The following AAK1 variants were observed in gnomAD, a reference collection of about 807,000 sequenced individuals.
AAK1 encodes AP2 associated kinase 1.
A neutral mutation model predicts 116.0 loss-of-function variants in AAK1; 37 were observed. The ratio of observed to expected loss-of-function variants is 0.32; its 90% CI spans 0.25 to 0.42. AAK1 has a LOEUF of 0.42. Among genes scored for constraint, AAK1 ranks in the 10% least tolerant of loss-of-function variants. The pLI, the probability that AAK1 is intolerant of heterozygous loss-of-function variation, is 1.00. For missense variants in AAK1, 919 were observed against 1,170.6 expected (o/e 0.79, Z 3.14); for synonymous variants, 458 against 439.9 (o/e 1.04, Z -0.51).
intron 17 of AAK1, among the ~76,000 whole-genome samples, chr2:69,486,791 A>G (rs1242449528): frequency 3.3e-5 from 5 of 152,204 alleles, no homozygotes; most frequent in African/African-American, 1.2e-4. Context: ...AAAGTCACAG[A>G]TTAGACATGG....
intron 2 of AAK1, among the ~76,000 whole-genome samples, chr2:69,566,905 G>A (rs1197209777): frequency 6.6e-6 from 1 of 152,100 alleles, no homozygotes; most frequent in Non-Finnish European, 1.5e-5. Context: ...TTGCCGTACT[G>A]CTGCCACAGA....
rs751856239 is a variant in AAK1 at position 69,482,573 on chromosome 2, G to A, written c.2467+138C>T. On this transcript the variant is annotated intron_variant, in intron 18 of 21. Coordinates refer to ENST00000409085, the MANE Select transcript of AAK1 (RefSeq NM_014911.5). ...GCAAGGAAAACACTTCATTTGGAGT[G>A]ATACAAGTGAGATTAAATAGCCTTG... The A allele has an allele frequency of 6.6e-6, 5 of 761,166 alleles. No individual in the cohort carries two copies. The African/African-American group carries it at 8.6e-5, about 13-fold the overall frequency. 47.2% of individuals were successfully genotyped at this position (761,166 alleles called of 1,614,324 possible). A position where few individuals can be genotyped will look rare whatever the true frequency, so the allele number is the denominator to read the frequency against.
intron 2 of AAK1, among the ~76,000 whole-genome samples, chr2:69,629,870 T>A (rs1675085151): frequency 6.6e-6 from 1 of 151,908 alleles, no homozygotes; most frequent in Non-Finnish European, 1.5e-5. Flanking sequence ...AACTTTGAGG[T>A]TATGGGCCCA....
chr2:69,639,171 C>A (rs1675587194), intron 2 of AAK1, among the ~76,000 whole-genome samples: 1 of 152,140 alleles, frequency 6.6e-6, no homozygotes, highest in African/African-American at 2.4e-5. Context: ...GCCATCTAGT[C>A]CACCTTATAG....
chr2:69,566,992 C>T (rs1013735860), intron 2 of AAK1, among the ~76,000 whole-genome samples: 1 of 152,166 alleles, frequency 6.6e-6, no homozygotes, highest in Admixed American at 6.5e-5. Flanking sequence ...TTCGCAATGG[C>T]TTCTCACCCC....
At chr2:69,544,205 C>A in intron 4 of AAK1, 1 of 458,478 alleles carries the variant, frequency 2.2e-6, no homozygotes, top group Non-Finnish European at 3.9e-6. Flanking sequence ...CATTTATATA[C>A]AAACACCAAA....
intron 2 of AAK1, among the ~76,000 whole-genome samples, chr2:69,623,631 T>C (rs941667156): frequency 6.6e-6 from 1 of 152,116 alleles, no homozygotes; most frequent in African/African-American, 2.4e-5. Context: ...ATGGGCAATA[T>C]AGCAAAACCC....
intron 3 of AAK1, among the ~76,000 whole-genome samples, chr2:69,547,087 T>C (rs1207879868): frequency 6.6e-6 from 1 of 152,156 alleles, no homozygotes; most frequent in East Asian, 1.9e-4. Context: ...CTGGGACAAG[T>C]GGGAATTATT....
chr2:69,628,932 C>G (rs1675036650), intron 2 of AAK1, among the ~76,000 whole-genome samples: 1 of 152,328 alleles, frequency 6.6e-6, no homozygotes, highest in South Asian at 2.1e-4. Flanking sequence ...GAGGTACATA[C>G]AGTACTCAAC....
intron 17 of AAK1, among the ~76,000 whole-genome samples, chr2:69,486,442 C>T (rs199504378): frequency 3.3e-5 from 5 of 152,102 alleles, no homozygotes; most frequent in South Asian, 4.1e-4. Context: ...TGTATGGTCA[C>T]GGCTGCTTGG....
chr2:69,523,812 G>A (rs1414512519), intron 10 of AAK1, among the ~76,000 whole-genome samples: 1 of 152,240 alleles, frequency 6.6e-6, no homozygotes, highest in Non-Finnish European at 1.5e-5. Flanking sequence ...ATTCCTAGGA[G>A]ATGAGGGACT....
At position 69,474,045 on chromosome 2, in the gene AAK1, G is replaced by A. The variant is rs182425139; in HGVS notation, c.*1824C>T. ...TAGCTCATCTTGTTTCAGCCAGCAC[G>A]GGAAGTATTTAAAGACAGAAGGAAG... On this transcript the variant is annotated 3_prime_UTR_variant, in exon 22 of 22. Transcript: ENST00000409085. 8.1e-6 allele frequency: 8 copies of A among 985,798 alleles called. No homozygotes were observed. The highest frequency in any genetic ancestry group is 9.6e-6 in the Non-Finnish European group (8 of 829,930). The allele number at this position is 985,798 out of a possible 1,614,324, so 61.1% of individuals were successfully genotyped here.
At chr2:69,615,240 G>A (rs1189973201) in intron 2 of AAK1, among the ~76,000 whole-genome samples, 1 of 152,130 alleles carries the variant, frequency 6.6e-6, no homozygotes, top group African/African-American at 2.4e-5. Flanking sequence ...CCACTTCTCG[G>A]GACTTCGCAG....
At chr2:69,580,230 G>T (rs552249841) in intron 2 of AAK1, among the ~76,000 whole-genome samples, 36 of 152,176 alleles carry the variant, frequency 2.4e-4, no homozygotes, top group African/African-American at 7.9e-4. Context: ...CTTTGGTGGG[G>T]GTCTGTGCAA....
At chr2:69,592,316 C>A (rs1363779067) in intron 2 of AAK1, among the ~76,000 whole-genome samples, 2 of 152,138 alleles carry the variant, frequency 1.3e-5, no homozygotes, top group Admixed American at 1.3e-4. Flanking sequence ...GGGCAACTGG[C>A]AATATCTGGA....
Position 69,532,210 on chromosome 2 carries a change from G to A in AAK1, c.535-48C>T, listed in dbSNP as rs1266003118. The A allele has an allele frequency of 1.9e-6, 3 of 1,602,778 alleles. No individual in the cohort carries two copies. The African/African-American group carries it at 4.0e-5, about 22-fold the overall frequency. ...CCATTCCAAGATATCATTTAGTAAT[G>A]CACGTGAAAATTTGGTTTCACAGTC... On this transcript the variant is annotated intron_variant, in intron 5 of 21. Transcript: ENST00000409085.
chr2:69,574,390 A>G (rs949594338), intron 2 of AAK1, among the ~76,000 whole-genome samples: 2 of 151,068 alleles, frequency 1.3e-5, no homozygotes, highest in African/African-American at 4.9e-5. Context: ...AAAAAAAAAA[A>G]AAAAAAAAAG....
At chr2:69,495,123 A>G (rs1403875937) in intron 17 of AAK1, among the ~76,000 whole-genome samples, 1 of 152,208 alleles carries the variant, frequency 6.6e-6, no homozygotes, top group Non-Finnish European at 1.5e-5. Flanking sequence ...ACAACTGTCA[A>G]CTGCTTCTAA....
Position 69,504,397 on chromosome 2 carries a change from C to G in AAK1, c.2269+1172G>C, listed in dbSNP as rs1039591454. Among the ~76,000 whole-genome samples, 3 of 57,784 alleles carry G rather than the reference C, an allele frequency of 5.2e-5. No individual in the cohort carries two copies. The South Asian group carries it at 2.2e-3, about 43-fold the overall frequency. The allele number at this position is 57,784 out of a possible 152,430, so 37.9% of individuals were successfully genotyped here. On this transcript the variant is annotated intron_variant, in intron 16 of 21. Coordinates refer to ENST00000409085, the MANE Select transcript of AAK1 (RefSeq NM_014911.5). ...TGGGCGACAGAATGAGACTCCATCT[C>G]AAAAAAAAAAAAAAAAAAAAAAAGA...
Sources: allele counts gnomAD v4.1 joint callset (sites outside exome capture counted in the v4.1 genomes callset), GRCh38; gene constraint gnomAD v4.1.1; transcripts MANE v1.5; gene names NCBI Gene and HGNC (gene_info 2026-07-23, HGNC 2026-07-21).